ZFHX3: variants seen among roughly 807,000 people sequenced by gnomAD.
ZFHX3 encodes the protein zinc finger homeobox protein 3.
ZFHX3 carries 42 observed loss-of-function variants against 279.1 expected under a neutral mutation model. That is an observed-to-expected ratio of 0.15 (90% CI 0.12 to 0.19). The LOEUF is 0.19. ZFHX3 is among the 10% of genes least tolerant of loss of function. The pLI, the probability that ZFHX3 is intolerant of heterozygous loss-of-function variation, is 1.00. For missense variants in ZFHX3, 4,981 were observed against 4,754.0 expected (o/e 1.05, Z -1.40); for synonymous variants, 2,293 against 1,957.8 (o/e 1.17, Z -4.52).
rs1258856227 is a variant in ZFHX3, at chr16:73,757,213, A to AGAAACAAAGAGCAGAAGTCT, written c.-1607-76993_-1607-76974dup. On this transcript the variant is annotated intron_variant, in intron 1 of 17. Coordinates refer to the ZFHX3 transcript ENST00000641206. ...GTTGCCTGTAACATGCAGAGGACAG[A>AGAAACAAAGAGCAGAAGTCT]GAAACAAAGAGCAGAAGTCTGTCTA... is the stretch of plus-strand genomic sequence containing the variant. Among the ~76,000 whole-genome samples, 4 of 152,276 alleles carry AGAAACAAAGAGCAGAAGTCT rather than the reference A, an allele frequency of 2.6e-5. No individual in the cohort carries two copies. The East Asian group carries it at 7.7e-4, about 29-fold the overall frequency.
intron 3 of ZFHX3, among the ~76,000 whole-genome samples, chr16:73,371,604 ACCGGGTGTACCCC>A (rs2143340476): frequency 6.6e-6 from 1 of 152,150 alleles, no homozygotes; most frequent in South Asian, 2.1e-4. Context: ...GAACTGGTGC[ACCGGGTGTACCCC>A]TCAGTCCATC....
chr16:72,895,154 C>T (rs150515660), intron 3 of ZFHX3, among the ~76,000 whole-genome samples: 3,538 of 152,306 alleles, frequency 0.023, 78 homozygotes, highest in South Asian at 0.12. Context: ...CACACATGCA[C>T]ACACACTATG....
At chr16:72,807,642 AGGGT>A (rs1273675347) in intron 7 of ZFHX3, 4 of 152,212 alleles carry the variant, frequency 2.6e-5, no homozygotes, top group Non-Finnish European at 2.9e-5. Flanking sequence ...TCCATTTATC[AGGGT>A]GGAATTTACT....
chr16:73,669,620 T>C (rs2052881719), intron 2 of ZFHX3, among the ~76,000 whole-genome samples: 1 of 152,182 alleles, frequency 6.6e-6, no homozygotes, highest in Admixed American at 6.5e-5. Flanking sequence ...CATGCAAAAA[T>C]CTGAACATGA....
intron 3 of ZFHX3, among the ~76,000 whole-genome samples, chr16:73,364,990 C>G (rs1400651993): frequency 6.6e-6 from 1 of 152,202 alleles, no homozygotes; most frequent in Non-Finnish European, 1.5e-5. Context: ...TATCGGCCCT[C>G]CTTTGCCATG....
chr16:73,015,589 C>G (rs1213863566), intron 1 of ZFHX3: 1 of 152,236 alleles, frequency 6.6e-6, no homozygotes, highest in East Asian at 1.9e-4. Context: ...TTCCTTTTAT[C>G]AATTCACAAA....
upstream of ZFHX3, among the ~76,000 whole-genome samples, chr16:73,050,017 T>C (rs575664764): frequency 1.3e-5 from 2 of 152,246 alleles, no homozygotes; most frequent in East Asian, 3.9e-4. Context: ...AAACGAAGAT[T>C]CCTTACCTGG....
At chr16:73,134,517 T>A (rs74604774) in intron 6 of ZFHX3, 1 of 151,290 alleles carries the variant, frequency 6.6e-6, no homozygotes. Context: ...TTTTTTTTTT[T>A]AGATATGGGG....
intron 8 of ZFHX3, among the ~76,000 whole-genome samples, chr16:73,076,309 T>C (rs1215515558): frequency 6.6e-6 from 1 of 152,210 alleles, no homozygotes; most frequent in Non-Finnish European, 1.5e-5. Flanking sequence ...ATGTTCTTTT[T>C]AGGTGTTACT....
At chr16:73,104,133 G>C (rs1359460196) in intron 7 of ZFHX3, among the ~76,000 whole-genome samples, 1 of 151,852 alleles carries the variant, frequency 6.6e-6, no homozygotes, top group Non-Finnish European at 1.5e-5. Flanking sequence ...AGATGGACAG[G>C]CATTGAGGCC....
chr16:73,335,133 C>A (rs2015887478), intron 3 of ZFHX3, among the ~76,000 whole-genome samples: 1 of 151,992 alleles, frequency 6.6e-6, no homozygotes, highest in African/African-American at 2.4e-5. Flanking sequence ...TTCTCCTAGG[C>A]TAAGAAGATA....
chr16:73,668,395 G>T (rs1002873959), intron 2 of ZFHX3, among the ~76,000 whole-genome samples: 1 of 151,858 alleles, frequency 6.6e-6, no homozygotes. Context: ...CATGGTGGTT[G>T]GTTGCACCCA....
rs180763941 is a variant in ZFHX3, at chr16:73,555,231, T to C, written c.-1546-98973A>G. On this transcript the variant is annotated intron_variant, in intron 2 of 17. Coordinates refer to the ZFHX3 transcript ENST00000641206. ...GTGCAGTGGCGCGATCTCAGCTCACTGCAACCTGTGCCTCCCGGGTTCAAG... is the reference window on the plus strand; with the variant it reads ...GTGCAGTGGCGCGATCTCAGCTCACCGCAACCTGTGCCTCCCGGGTTCAAG... Among the ~76,000 whole-genome samples, 1,070 of 152,156 alleles carry C rather than the reference T, an allele frequency of 7.0e-3. 7 individuals are homozygous for C. Among genetic ancestry groups the C allele is most frequent in the Non-Finnish European group, 0.01 (702 of 67,992 alleles).
chr16:73,098,375 T>C (rs1464575197), intron 7 of ZFHX3, among the ~76,000 whole-genome samples: 1 of 151,666 alleles, frequency 6.6e-6, no homozygotes, highest in Non-Finnish European at 1.5e-5. Flanking sequence ...ACCTGTTTTG[T>C]CTTTGAGATG....
chr16:73,105,863 C>T (rs560479581), intron 7 of ZFHX3, among the ~76,000 whole-genome samples: 121 of 152,144 alleles, frequency 8.0e-4, no homozygotes, highest in African/African-American at 2.4e-3. Context: ...TCATCATGAT[C>T]GAGATTCCTT....
chr16:73,099,157 AGTCT>A (rs1313240893), intron 7 of ZFHX3: 2 of 152,264 alleles, frequency 1.3e-5, no homozygotes, highest in African/African-American at 4.8e-5. Flanking sequence ...TAATAGGGTC[AGTCT>A]AAGTACACTT....
chr16:73,118,535 G>A (rs887166975), intron 7 of ZFHX3, among the ~76,000 whole-genome samples: 2 of 152,048 alleles, frequency 1.3e-5, no homozygotes, highest in African/African-American at 4.8e-5. Context: ...GATATGACAT[G>A]TGCAACTTCC....
At chr16:73,526,081 C>T (rs958820786) in intron 2 of ZFHX3, among the ~76,000 whole-genome samples, 3 of 152,198 alleles carry the variant, frequency 2.0e-5, no homozygotes, top group African/African-American at 7.2e-5. Context: ...AGCTTGGTCC[C>T]TGTCCGGCAC....
intron 3 of ZFHX3, among the ~76,000 whole-genome samples, chr16:73,398,745 C>T (rs1248994291): frequency 6.6e-6 from 1 of 152,234 alleles, no homozygotes; most frequent in Non-Finnish European, 1.5e-5. Context: ...ATAAGCACAT[C>T]ATTTGTAGTA....
Sources: allele counts gnomAD v4.1 joint callset (sites outside exome capture counted in the v4.1 genomes callset), GRCh38; gene constraint gnomAD v4.1.1; transcripts MANE v1.5; gene names NCBI Gene and HGNC (gene_info 2026-07-23, HGNC 2026-07-21).